FRMD8: variants seen among roughly 807,000 people sequenced by gnomAD.
The protein encoded by FRMD8 is FERM domain containing 8, also known as FERM domain-containing protein 8.
FRMD8 carries 37 observed loss-of-function variants against 54.2 expected under a neutral mutation model. The observed-to-expected ratio is 0.68, with a 90% CI of 0.53 to 0.90. The LOEUF is 0.90. FRMD8 is among the 40% of genes least tolerant of loss of function. The pLI, the probability that FRMD8 is intolerant of heterozygous loss-of-function variation, is 0.00. For synonymous variants in FRMD8, 246 were observed against 286.9 expected (o/e 0.86, Z 1.44); for missense variants, 585 against 653.7 (o/e 0.89, Z 1.15).
upstream of FRMD8, chr11:65,382,062 G>A (rs112246159): frequency 2.0e-4 from 201 of 995,320 alleles, 1 homozygote; most frequent in African/African-American, 2.4e-3. This position sits in a 1 kb window ranked among gnomAD's most constrained non-coding sequence, Gnocchi z 4.4. Context: ...TAACCCTGGC[G>A]GGAAGGTGAG....
At chr11:65,370,425 G>C in the FRMD8 span, among the ~76,000 whole-genome samples, 1 of 152,044 alleles carries the variant, frequency 6.6e-6, no homozygotes, top group South Asian at 2.1e-4. Context: ...ACCTGGGCCA[G>C]GCGCGGTGGC....
intron 10 of FRMD8, among the ~76,000 whole-genome samples, chr11:65,407,098 G>A (rs964675565): frequency 6.6e-6 from 1 of 152,048 alleles, no homozygotes; most frequent in Non-Finnish European, 1.5e-5. Flanking sequence ...GCTCTGATGT[G>A]GTGACAGAAC....
intron 6 of FRMD8, 146 bp from the exon 7 acceptor site, chr11:65,396,653 T>C (rs1855961337): frequency 9.9e-6 from 5 of 506,810 alleles, no homozygotes; most frequent in Non-Finnish European, 1.0e-5. Context: ...GGTGCCTGGG[T>C]CTCCCCTTGT....
At chr11:65,410,511 C>T (rs575726266) in intron 10 of FRMD8, among the ~76,000 whole-genome samples, 15 of 150,700 alleles carry the variant, frequency 1.0e-4, no homozygotes, top group Non-Finnish European at 1.9e-4. Context: ...AAACAAAAGG[C>T]CGGGCGCAGT....
Position 65,401,612 on chromosome 11 carries a change from G to T in FRMD8, c.1071+745G>T, listed in dbSNP as rs532625601. Among the ~76,000 whole-genome samples the T allele has an allele frequency of 8.1e-5, 12 of 148,440 alleles. No homozygotes were observed. In the East Asian group the frequency reaches 1.4e-3, roughly 17 times the overall value. ...GCTGGGGGCTGCTTCTAGCCCCATC[G>T]GCCTCTGCTTTGCCACAGGAGGGCC... On this transcript the variant is annotated intron_variant, in intron 9 of 10. Coordinates refer to ENST00000317568, the MANE Select transcript of FRMD8 (RefSeq NM_031904.5).
At chr11:65,384,136 C>T (rs1409690193), upstream of FRMD8, among the ~76,000 whole-genome samples, 1 of 152,158 alleles carries the variant, frequency 6.6e-6, no homozygotes, top group Non-Finnish European at 1.5e-5. Context: ...TCCCTACAGC[C>T]TTGCTGAAGG....
Position 65,400,991 on chromosome 11 carries a change from A to C in FRMD8, c.1071+124A>C. On this transcript the variant is annotated intron_variant, in intron 9 of 10. Transcript: ENST00000317568. The surrounding 1 kb of genome is among the most constrained non-coding windows in gnomAD (Gnocchi z 4.3). ...GAAGCTGCCTTGGGCCTGAGGATGAAAGCGGCCTGGGCACAAGGGGTGCCT... is the reference window on the plus strand; with the variant it reads ...GAAGCTGCCTTGGGCCTGAGGATGACAGCGGCCTGGGCACAAGGGGTGCCT... 1 of 1,125,638 alleles carries C rather than the reference A, an allele frequency of 8.9e-7. No homozygotes were observed. Among genetic ancestry groups the C allele is most frequent in the Non-Finnish European group, 1.2e-6 (1 of 812,724 alleles). 69.7% of individuals were successfully genotyped at this position (1,125,638 alleles called of 1,614,324 possible).
intron 2 of FRMD8, among the ~76,000 whole-genome samples, chr11:65,388,454 A>G (rs1565595569): frequency 6.6e-6 from 1 of 152,060 alleles, no homozygotes; most frequent in Non-Finnish European, 1.5e-5. Flanking sequence ...ACACTCTTGG[A>G]GGGAGGAGTA....
chr11:65,379,163 C>G, the FRMD8 span: 1 of 587,014 alleles, frequency 1.7e-6, no homozygotes, highest in Non-Finnish European at 3.0e-6. Context: ...CCTCTTGGCA[C>G]TGCCCACCAG....
chr11:65,386,932 C>T (rs1855743867), intron 1 of FRMD8, 105 bp from the exon 2 acceptor site: 6 of 1,009,082 alleles, frequency 5.9e-6, no homozygotes, highest in Non-Finnish European at 8.8e-6. Context: ...CTCAACCTTG[C>T]GGACCCAGCC....
At chr11:65,382,180 GCGTGCCGGGAC>G, upstream of FRMD8, 1 of 576,714 alleles carries the variant, frequency 1.7e-6, no homozygotes, top group Non-Finnish European at 3.1e-6. This position sits in a 1 kb window ranked among gnomAD's most constrained non-coding sequence, Gnocchi z 4.4. Flanking sequence ...CACGGGCCAG[GCGTGCCGGGAC>G]CACAGAGGCC....
intron 8 of FRMD8, 36 bp downstream of exon 8, chr11:65,399,895 G>A: frequency 2.5e-6 from 4 of 1,588,352 alleles, no homozygotes; most frequent in Non-Finnish European, 3.4e-6. Flanking sequence ...GGAGAGGATG[G>A]GAGGGGGCTC....
intron 10 of FRMD8, among the ~76,000 whole-genome samples, chr11:65,409,199 G>A (rs1272325532): frequency 6.6e-6 from 1 of 151,888 alleles, no homozygotes. Flanking sequence ...GATTCTCCCT[G>A]CCTCAGCCTC....
chr11:65,376,777 C>A, the FRMD8 span: 1 of 1,614,054 alleles, frequency 6.2e-7, no homozygotes, highest in African/African-American at 1.3e-5. Flanking sequence ...TGCCTGCTAC[C>A]CACACCTCTG....
At chr11:65,399,447 A>G (rs1173998270) in intron 7 of FRMD8, among the ~76,000 whole-genome samples, 2 of 151,828 alleles carry the variant, frequency 1.3e-5, no homozygotes, top group African/African-American at 4.8e-5. Flanking sequence ...CAAGTGCCAA[A>G]CCCACGACTG....
Position 65,400,881 on chromosome 11 carries a change from T to A in FRMD8, c.1071+14T>A, listed in dbSNP as rs546843156. On this transcript the variant is annotated intron_variant, in intron 9 of 10. Coordinates refer to ENST00000317568, the MANE Select transcript of FRMD8 (RefSeq NM_031904.5). This position sits in a 1 kb window ranked among gnomAD's most constrained non-coding sequence, Gnocchi z 4.3. ...TACTCCAAGCAGGTAGCGCGGGTGG[T>A]GCCTGCACACGGGTGGGGAGGCTGG... The A allele has an allele frequency of 1.6e-3, 2,622 of 1,590,176 alleles. 57 individuals are homozygous for A. In the South Asian group the frequency reaches 0.029, roughly 17 times the overall value.
At chr11:65,394,463 G>C (rs773066344) in intron 6 of FRMD8, 38 bp downstream of exon 6, 7 of 1,537,804 alleles carry the variant, frequency 4.6e-6, no homozygotes, top group South Asian at 3.6e-5. Flanking sequence ...GGCGCTGGGT[G>C]GGGGAGTTTG....
rs371632812 is a variant in FRMD8, at chr11:65,404,959, G to A, written c.1167G>A (p.Ser389=). The change falls in exon 10 of 11, where the codon TCG becomes TCA. Residue 389 remains serine, a synonymous_variant. Coordinates refer to ENST00000317568, the MANE Select transcript of FRMD8 (RefSeq NM_031904.5). The surrounding 1 kb of genome is among the most constrained non-coding windows in gnomAD (Gnocchi z 4.7). ...AGGACAGTGCGACTGGCTCGCCCTC[G>A]GACCCCAGCTCCTCACTGGCTCCTG... ...GPQDSATGSP[S]DPSSSLAPVQ... The A allele has an allele frequency of 2.2e-5, 35 of 1,612,976 alleles. No individual in the cohort carries two copies. Among genetic ancestry groups the A allele is most frequent in the African/African-American group, 8.0e-5 (6 of 74,948 alleles).
chr11:65,393,547 G>A (rs375454684), intron 3 of FRMD8, 26 bp from the exon 4 acceptor site: 2 of 1,580,312 alleles, frequency 1.3e-6, no homozygotes, highest in Non-Finnish European at 1.7e-6. Context: ...GAGGCTGCAT[G>A]GGCCACTCCC....
Sources: allele counts gnomAD v4.1 joint callset (sites outside exome capture counted in the v4.1 genomes callset), GRCh38; gene constraint gnomAD v4.1.1; non-coding constraint Gnocchi (gnomAD v3.1); transcripts MANE v1.5; gene names NCBI Gene and HGNC (gene_info 2026-07-23, HGNC 2026-07-21).